Variants in OPCML observed in about 807,000 individuals in gnomAD.
The protein encoded by OPCML is opioid binding protein/cell adhesion molecule like.
OPCML carries 13 observed loss-of-function variants against 37.8 expected under a neutral mutation model. The ratio of observed to expected loss-of-function variants is 0.34; its 90% CI spans 0.22 to 0.55. OPCML has a LOEUF of 0.55. Among genes scored for constraint, OPCML ranks in the 20% least tolerant of loss-of-function variants. The pLI, the probability that OPCML is intolerant of heterozygous loss-of-function variation, is 0.91. For missense variants in OPCML, 341 were observed against 435.6 expected (o/e 0.78, Z 1.93); for synonymous variants, 176 against 168.8 (o/e 1.04, Z -0.33).
At chr11:133,242,920 G>A (rs1219920070) in intron 1 of OPCML, among the ~76,000 whole-genome samples, 1 of 152,100 alleles carries the variant, frequency 6.6e-6, no homozygotes, top group African/African-American at 2.4e-5. Context: ...ATACATTTTA[G>A]AAAAAAATAG....
At chr11:133,518,099 T>A (rs1008720050) in intron 1 of OPCML, among the ~76,000 whole-genome samples, 1 of 152,076 alleles carries the variant, frequency 6.6e-6, no homozygotes, top group Admixed American at 6.5e-5. Flanking sequence ...GAGTGTGGTG[T>A]GCATATGTAT....
At chr11:132,787,882 TTTTG>T (rs1947273377) in intron 2 of OPCML, among the ~76,000 whole-genome samples, 2 of 152,158 alleles carry the variant, frequency 1.3e-5, no homozygotes, top group Non-Finnish European at 2.9e-5. Context: ...GTTAATGATT[TTTTG>T]TTTGTTTGTT....
At chr11:133,015,725 TC>T (rs1947320880) in intron 1 of OPCML, among the ~76,000 whole-genome samples, 1 of 152,156 alleles carries the variant, frequency 6.6e-6, no homozygotes, top group Non-Finnish European at 1.5e-5. Flanking sequence ...CTTTCCAAAA[TC>T]ATCTCTGGTC....
At chr11:133,530,123 G>C (rs866536668) in intron 1 of OPCML, among the ~76,000 whole-genome samples, 5 of 152,164 alleles carry the variant, frequency 3.3e-5, no homozygotes, top group Non-Finnish European at 5.9e-5. Flanking sequence ...TGTCATTGTC[G>C]TTCATCCACC....
At chr11:133,397,250 A>T (rs781571014) in intron 1 of OPCML, among the ~76,000 whole-genome samples, 1 of 152,088 alleles carries the variant, frequency 6.6e-6, no homozygotes, top group Non-Finnish European at 1.5e-5. Context: ...TCCTTTTTCT[A>T]TGTTTCCCTT....
At chr11:132,679,659 T>C (rs575175899) in intron 2 of OPCML, among the ~76,000 whole-genome samples, 1 of 152,298 alleles carries the variant, frequency 6.6e-6, no homozygotes, top group African/African-American at 2.4e-5. Flanking sequence ...ATGGAATTGT[T>C]CTAAAACTGA....
intron 1 of OPCML, among the ~76,000 whole-genome samples, chr11:133,276,041 A>G (rs112850757): frequency 0.022 from 3,413 of 152,296 alleles, 121 homozygotes; most frequent in African/African-American, 0.076. Flanking sequence ...CAGAGACCCA[A>G]AAATAAATTA....
intron 2 of OPCML, among the ~76,000 whole-genome samples, chr11:132,683,105 A>G (rs1047240101): frequency 6.6e-6 from 1 of 152,220 alleles, no homozygotes; most frequent in Non-Finnish European, 1.5e-5. Flanking sequence ...ATAGAGTATT[A>G]AAATACTTGT....
intron 4 of OPCML, among the ~76,000 whole-genome samples, chr11:132,470,764 G>A (rs752090174): frequency 1.2e-4 from 19 of 152,330 alleles, no homozygotes; most frequent in Non-Finnish European, 2.8e-4. Flanking sequence ...AGCTAGGATT[G>A]AAACCCAGAT....
At chr11:132,787,189 T>C (rs1011399925) in intron 2 of OPCML, among the ~76,000 whole-genome samples, 1 of 152,192 alleles carries the variant, frequency 6.6e-6, no homozygotes, top group Non-Finnish European at 1.5e-5. Context: ...ACTGGGAAGA[T>C]GTACTCTAGC....
At chr11:132,774,633 G>T (rs1360446100) in intron 2 of OPCML, among the ~76,000 whole-genome samples, 3 of 152,140 alleles carry the variant, frequency 2.0e-5, no homozygotes, top group African/African-American at 7.2e-5. Context: ...CTGCCTGAAG[G>T]TTTATTTCCA....
chr11:132,885,311 A>G (rs1372036670), intron 2 of OPCML, among the ~76,000 whole-genome samples: 1 of 152,226 alleles, frequency 6.6e-6, no homozygotes, highest in Non-Finnish European at 1.5e-5. Context: ...TAGCATGTTC[A>G]AGTGTTCAGT....
chr11:133,023,812 G>A (rs528355656), intron 1 of OPCML, among the ~76,000 whole-genome samples: 7 of 152,186 alleles, frequency 4.6e-5, no homozygotes, highest in Non-Finnish European at 1.0e-4. Flanking sequence ...TGTGAGCTAC[G>A]AGGCTGACTC....
chr11:133,055,415 C>T (rs10894644), intron 1 of OPCML, among the ~76,000 whole-genome samples: 36,667 of 141,152 alleles, frequency 0.26, 5,368 homozygotes, highest in East Asian at 0.47. Flanking sequence ...ACGCCTCTAC[C>T]GTATAATGCT....
At chr11:132,617,176 T>C (rs892815272) in intron 3 of OPCML, among the ~76,000 whole-genome samples, 3 of 152,222 alleles carry the variant, frequency 2.0e-5, no homozygotes, top group Non-Finnish European at 4.4e-5. Flanking sequence ...ATCAATAAAA[T>C]GACCTATTGC....
chr11:132,727,531 T>G (rs944571589), intron 2 of OPCML, among the ~76,000 whole-genome samples: 2 of 152,174 alleles, frequency 1.3e-5, no homozygotes, highest in African/African-American at 4.8e-5. Flanking sequence ...GCTGCTCTCC[T>G]GGCACACCCG....
At chr11:133,002,216 G>A (rs191658534) in intron 1 of OPCML, among the ~76,000 whole-genome samples, 56 of 152,316 alleles carry the variant, frequency 3.7e-4, no homozygotes, top group African/African-American at 1.3e-3. Context: ...TCTTCACTCA[G>A]CCTCACAAAG....
At chr11:132,453,880 G>C (rs988600953) in intron 4 of OPCML, among the ~76,000 whole-genome samples, 1 of 152,168 alleles carries the variant, frequency 6.6e-6, no homozygotes, top group South Asian at 2.1e-4. Flanking sequence ...TTTCCTTACT[G>C]GTACTACTTT....
chr11:133,479,766 C>A (rs1409666704), intron 1 of OPCML, among the ~76,000 whole-genome samples: 1 of 152,222 alleles, frequency 6.6e-6, no homozygotes, highest in South Asian at 2.1e-4. Context: ...GGACCACACA[C>A]ACCCACCGAA....
Sources: allele counts gnomAD v4.1 joint callset (sites outside exome capture counted in the v4.1 genomes callset), GRCh38; gene constraint gnomAD v4.1.1; transcripts MANE v1.5; gene names NCBI Gene and HGNC (gene_info 2026-07-23, HGNC 2026-07-21).